UBE2G1: variants seen among roughly 807,000 people sequenced by gnomAD.
The protein encoded by UBE2G1 is ubiquitin conjugating enzyme E2 G1, also known as ubiquitin-conjugating enzyme E2 G1.
A neutral mutation model predicts 22.7 loss-of-function variants in UBE2G1; 5 were observed. That is an observed-to-expected ratio of 0.22 (90% confidence interval 0.12 to 0.46). UBE2G1 has a LOEUF of 0.46. Among genes scored for constraint, UBE2G1 ranks in the 20% least tolerant of loss-of-function variants. The pLI is 0.99. For synonymous variants in UBE2G1, 74 were observed against 67.5 expected (o/e 1.10, Z -0.47); for missense variants, 88 against 203.9 (o/e 0.43, Z 3.46).
At chr17:4,315,675 G>A (rs1969359341) in intron 1 of UBE2G1, among the ~76,000 whole-genome samples, 1 of 150,928 alleles carries the variant, frequency 6.6e-6, no homozygotes. Context: ...GGGAGGCGGA[G>A]CTTGCAGTGA....
chr17:4,278,271 T>G (rs1168783154), intron 5 of UBE2G1, among the ~76,000 whole-genome samples: 1 of 152,138 alleles, frequency 6.6e-6, no homozygotes, highest in African/African-American at 2.4e-5. Context: ...CATTTAAAAA[T>G]TAGGTGCACA....
intron 1 of UBE2G1, among the ~76,000 whole-genome samples, chr17:4,315,172 G>A (rs1405504961): frequency 1.3e-5 from 2 of 152,090 alleles, no homozygotes; most frequent in Non-Finnish European, 2.9e-5. Flanking sequence ...GGTGAAACGA[G>A]GCTGATCCAT....
intron 2 of UBE2G1, among the ~76,000 whole-genome samples, chr17:4,304,856 T>C (rs1020583488): frequency 2.6e-5 from 4 of 152,108 alleles, no homozygotes; most frequent in Non-Finnish European, 5.9e-5. Context: ...CTTCCAATAG[T>C]GCTCTTCAAA....
intron 5 of UBE2G1, among the ~76,000 whole-genome samples, chr17:4,276,694 G>A (rs1021250580): frequency 2.0e-5 from 3 of 152,006 alleles, no homozygotes; most frequent in Non-Finnish European, 4.4e-5. Context: ...GCTGAGTTAC[G>A]CAATCCGTAG....
chr17:4,285,733 C>T (rs1284298737), intron 4 of UBE2G1, among the ~76,000 whole-genome samples: 6 of 152,152 alleles, frequency 3.9e-5, no homozygotes, highest in African/African-American at 1.4e-4. Flanking sequence ...AGGCGGATCA[C>T]GACATCAAGT....
At chr17:4,352,170 A>C (rs1377635136) in intron 1 of UBE2G1, among the ~76,000 whole-genome samples, 1 of 152,334 alleles carries the variant, frequency 6.6e-6, no homozygotes, top group Admixed American at 6.5e-5. Context: ...CCAGGACCTA[A>C]GTAGAAAAGG....
intron 1 of UBE2G1, among the ~76,000 whole-genome samples, chr17:4,327,682 G>A (rs571021420): frequency 9.2e-5 from 14 of 152,258 alleles, no homozygotes; most frequent in African/African-American, 3.4e-4. Flanking sequence ...TATCAGAAGT[G>A]TGGGACACAT....
chr17:4,343,901 A>T (rs1171743742), intron 1 of UBE2G1, among the ~76,000 whole-genome samples: 1 of 152,018 alleles, frequency 6.6e-6, no homozygotes, highest in Non-Finnish European at 1.5e-5. Flanking sequence ...ACCTTTTTTC[A>T]AGAGGAGCAG....
intron 1 of UBE2G1, among the ~76,000 whole-genome samples, chr17:4,326,170 A>G (rs941244853): frequency 7.2e-5 from 11 of 152,262 alleles, no homozygotes; most frequent in African/African-American, 1.4e-4. Flanking sequence ...AAAAAATGGG[A>G]AAAATATTGT....
At chr17:4,341,871 G>A (rs1314192987) in intron 1 of UBE2G1, among the ~76,000 whole-genome samples, 3 of 152,046 alleles carry the variant, frequency 2.0e-5, no homozygotes, top group Non-Finnish European at 4.4e-5. Context: ...TGGCTTAAAG[G>A]CCACAGCATT....
At chr17:4,279,275 CAAA>C (rs10593474) in intron 5 of UBE2G1, among the ~76,000 whole-genome samples, 101 of 131,596 alleles carry the variant, frequency 7.7e-4, no homozygotes, top group Admixed American at 7.4e-4. Flanking sequence ...AACTCCATCT[CAAA>C]AAAAAAAAAA....
chr17:4,331,306 C>A (rs888458882), intron 1 of UBE2G1, among the ~76,000 whole-genome samples: 1 of 152,172 alleles, frequency 6.6e-6, no homozygotes, highest in African/African-American at 2.4e-5. Flanking sequence ...GGAAAATCCA[C>A]AGAAGCACTA....
chr17:4,366,369 AGGCTCTGGGG>A lies in UBE2G1; in HGVS notation c.-63_-54del. ...CCGGGGCTTCCGAAGGGCTGGGGAC[AGGCTCTGGGG>A]GCGGCTGGAGCGGGGTGTGCCGAGG... is the stretch of plus-strand genomic sequence containing the variant. On this transcript the variant is annotated 5_prime_UTR_variant, in exon 1 of 6. Coordinates refer to ENST00000396981, the MANE Select transcript of UBE2G1 (RefSeq NM_003342.5). 6.8e-7 allele frequency: 1 copy of A among 1,463,028 alleles called. No individual in the cohort carries two copies. Among genetic ancestry groups the A allele is most frequent in the Non-Finnish European group, 9.0e-7 (1 of 1,114,724 alleles). The allele number at this position is 1,463,028 out of a possible 1,614,324, so 90.6% of individuals were successfully genotyped here. A position where few individuals can be genotyped will look rare whatever the true frequency, so the allele number is the denominator to read the frequency against.
intron 5 of UBE2G1, among the ~76,000 whole-genome samples, chr17:4,280,978 A>C (rs1202472326): frequency 6.6e-6 from 1 of 152,140 alleles, no homozygotes; most frequent in Admixed American, 6.6e-5. Flanking sequence ...GAAAAGAAGG[A>C]ACACTTTAGA....
rs1434718907 is a variant in UBE2G1, at chr17:4,282,720, T to TA, written c.*37+77dup. The TA allele has an allele frequency of 4.5e-6, 4 of 896,432 alleles. No individual in the cohort carries two copies. In the Admixed American group the frequency reaches 1.1e-4, roughly 25 times the overall value. The allele number at this position is 896,432 out of a possible 1,614,324, so 55.5% of individuals were successfully genotyped here. A position where few individuals can be genotyped will look rare whatever the true frequency, so the allele number is the denominator to read the frequency against. On this transcript the variant is annotated intron_variant, in intron 5 of 5. Transcript: ENST00000396981. Reference sequence around the variant, plus strand: ...AGTCAATGAAAAAATGTAATTCAAATACCCAAATCACACAATTTCCAAAAA... The same window carrying TA: ...AGTCAATGAAAAAATGTAATTCAAATAACCCAAATCACACAATTTCCAAAAA...
chr17:4,324,979 A>C (rs1021967010), intron 1 of UBE2G1, among the ~76,000 whole-genome samples: 6 of 152,060 alleles, frequency 3.9e-5, no homozygotes, highest in Non-Finnish European at 5.9e-5. Flanking sequence ...CGGGAGGCTG[A>C]GGCAGGAGAA....
intron 5 of UBE2G1, 50 bp downstream of exon 5, chr17:4,282,748 A>T: frequency 8.0e-7 from 1 of 1,248,318 alleles, no homozygotes; most frequent in Non-Finnish European, 1.1e-6. Context: ...TCCAAAAACT[A>T]ATAGGATACT....
At chr17:4,282,997 T>A (rs1266226984) in intron 4 of UBE2G1, 76 bp from the exon 5 acceptor site, 1 of 1,209,276 alleles carries the variant, frequency 8.3e-7, no homozygotes, top group African/African-American at 1.5e-5. Flanking sequence ...ATTTTAATTT[T>A]GAATGTAATC....
At position 4,366,293 on chromosome 17, in the gene UBE2G1, C is replaced by G. The variant is rs1383005968; in HGVS notation, c.24G>C (p.Leu8=). 1 of 1,555,566 alleles carries G rather than the reference C, an allele frequency of 6.4e-7. No individual in the cohort carries two copies. Among genetic ancestry groups the G allele is most frequent in the Admixed American group, 1.8e-5 (1 of 54,928 alleles). ...CACCTGCCAGCTGTCTTCGCAGTAG[C>G]AGTGCCGACTGCAGCTCCGTCATCC... MTELQSA[L]LLRRQLAELN... Residue 8 remains leucine, a synonymous_variant, in exon 1 of 6, where the codon CTG becomes CTC. Transcript: ENST00000396981.
Sources: allele counts gnomAD v4.1 joint callset (sites outside exome capture counted in the v4.1 genomes callset), GRCh38; gene constraint gnomAD v4.1.1; transcripts MANE v1.5; gene names NCBI Gene and HGNC (gene_info 2026-07-23, HGNC 2026-07-21).